Variants in AOPEP observed in about 807,000 individuals in gnomAD.
The protein encoded by AOPEP is aminopeptidase O (putative), also known as aminopeptidase O.
In AOPEP, 77 loss-of-function variants were observed where a neutral mutation model predicts 98.1. The observed-to-expected ratio is 0.78, with a 90% CI of 0.65 to 0.95. The LOEUF (loss-of-function observed/expected upper bound fraction) is 0.95, where lower values mean the gene tolerates loss of function less well. Among genes scored for constraint, AOPEP ranks in the 40% least tolerant of loss-of-function variants. The pLI is 0.00. For missense variants in AOPEP, 1,024 were observed against 1,024.7 expected (o/e 1.00, Z 0.01); for synonymous variants, 346 against 365.3 (o/e 0.95, Z 0.60).
intron 3 of AOPEP, among the ~76,000 whole-genome samples, chr9:94,777,568 C>T (rs1477375611): frequency 3.3e-5 from 5 of 150,224 alleles, no homozygotes; most frequent in East Asian, 1.9e-4. Context: ...CCACATATAC[C>T]GGATGTATTT....
chr9:95,122,003 G>A, the AOPEP span, among the ~76,000 whole-genome samples: 5 of 151,744 alleles, frequency 3.3e-5, no homozygotes, highest in Admixed American at 1.3e-4. Flanking sequence ...GACTATAAGC[G>A]CCCACCACCA....
chr9:94,902,821 C>T (rs757149143), intron 5 of AOPEP, among the ~76,000 whole-genome samples: 4 of 151,316 alleles, frequency 2.6e-5, no homozygotes, highest in Non-Finnish European at 4.4e-5. Flanking sequence ...TTTGGGAGGC[C>T]GAGGTGGGCA....
chr9:95,033,791 A>G (rs2133411637), intron 13 of AOPEP, among the ~76,000 whole-genome samples: 1 of 152,352 alleles, frequency 6.6e-6, no homozygotes, highest in South Asian at 2.1e-4. Flanking sequence ...TTGTAACATT[A>G]TAGAAATAAG....
At position 95,020,918 on chromosome 9, in the gene AOPEP, CAAA is replaced by C. The variant is rs55696602; in HGVS notation, c.2115+15318_2115+15320del. ...TGGGCAACAGAGTGAGACCTTGTCT[CAAA>C]AAAAAAAAAAAAAAAGACATAAGCA... On this transcript the variant is annotated intron_variant, in intron 13 of 16. Transcript: ENST00000375315. 8.2e-5 allele frequency among the ~76,000 whole-genome samples: 6 copies of C among 73,352 alleles called. No individual in the cohort carries two copies. In the South Asian group the frequency reaches 1.8e-3, roughly 22 times the overall value. 48.1% of individuals were successfully genotyped at this position (73,352 alleles called of 152,430 possible). A position where few individuals can be genotyped will look rare whatever the true frequency, so the allele number is the denominator to read the frequency against.
chr9:94,848,249 G>A (rs1165798349), intron 5 of AOPEP, among the ~76,000 whole-genome samples: 2 of 151,932 alleles, frequency 1.3e-5, no homozygotes, highest in African/African-American at 4.8e-5. Flanking sequence ...TCAGGAGGTC[G>A]AGACCATCCT....
At chr9:95,095,806 G>A in the AOPEP span, among the ~76,000 whole-genome samples, 4 of 152,142 alleles carry the variant, frequency 2.6e-5, no homozygotes, top group East Asian at 1.9e-4. Flanking sequence ...CCAAAGGACT[G>A]GAGAGTCTGC....
the AOPEP span, among the ~76,000 whole-genome samples, chr9:95,108,601 G>A: frequency 6.6e-6 from 1 of 152,042 alleles, no homozygotes; most frequent in Non-Finnish European, 1.5e-5. Context: ...CATGTCCTAA[G>A]TTTTTCAGGA....
At chr9:94,784,103 A>G (rs776578209) in intron 3 of AOPEP, among the ~76,000 whole-genome samples, 19 of 152,270 alleles carry the variant, frequency 1.2e-4, no homozygotes, top group Non-Finnish European at 2.2e-4. Context: ...AGTGAAAACA[A>G]TAACTCTTTA....
chr9:94,875,889 T>C (rs2046886455), intron 5 of AOPEP, among the ~76,000 whole-genome samples: 1 of 152,192 alleles, frequency 6.6e-6, no homozygotes, highest in Admixed American at 6.5e-5. Context: ...CTTTCTTACT[T>C]ACCTAGTTGA....
intron 5 of AOPEP, among the ~76,000 whole-genome samples, chr9:94,850,349 A>G (rs1010326509): frequency 4.6e-5 from 7 of 152,350 alleles, no homozygotes; most frequent in Non-Finnish European, 1.0e-4. Flanking sequence ...AACCTGTCTT[A>G]CCCACAGATG....
At chr9:94,776,747 C>G (rs1842192914) in intron 3 of AOPEP, among the ~76,000 whole-genome samples, 2 of 152,194 alleles carry the variant, frequency 1.3e-5, no homozygotes, top group Admixed American at 1.3e-4. Context: ...TCCAGTTTTA[C>G]TTAATAAAAC....
chr9:95,139,257 C>G, the AOPEP span, among the ~76,000 whole-genome samples: 1 of 152,172 alleles, frequency 6.6e-6, no homozygotes, highest in Admixed American at 6.5e-5. Context: ...CAGTTTCACC[C>G]TCTCCGTGTA....
At chr9:95,054,894 A>T (rs564373153) in intron 13 of AOPEP, among the ~76,000 whole-genome samples, 1 of 152,184 alleles carries the variant, frequency 6.6e-6, no homozygotes, top group South Asian at 2.1e-4. Context: ...TTTGAAGAAA[A>T]TTTTTTTCCT....
intron 13 of AOPEP, among the ~76,000 whole-genome samples, chr9:95,033,766 C>T (rs141670557): frequency 4.3e-4 from 66 of 152,222 alleles, no homozygotes; most frequent in African/African-American, 1.3e-3. Flanking sequence ...TACAGTGTTT[C>T]GTATTTACTT....
At chr9:95,028,034 A>G (rs1016432447) in intron 13 of AOPEP, among the ~76,000 whole-genome samples, 14 of 152,112 alleles carry the variant, frequency 9.2e-5, no homozygotes, top group African/African-American at 2.4e-4. Context: ...TTATCTTTCA[A>G]ATTTGTGCTT....
At chr9:95,082,468 T>G (rs1339514195) in intron 15 of AOPEP, 107 bp from the exon 16 acceptor site, 1 of 1,310,750 alleles carries the variant, frequency 7.6e-7, no homozygotes, top group Non-Finnish European at 1.0e-6. Flanking sequence ...CTTTGCAATT[T>G]CTAGACCAGC....
At chr9:94,979,251 C>T in intron 10 of AOPEP, 116 bp from the exon 11 acceptor site, 2 of 663,694 alleles carry the variant, frequency 3.0e-6, no homozygotes, top group Non-Finnish European at 5.4e-6. Context: ...TTCTGTAAAG[C>T]ACGGGCACTT....
At chr9:94,932,263 T>C (rs1456702780) in intron 7 of AOPEP, 1 of 985,022 alleles carries the variant, frequency 1.0e-6, no homozygotes, top group Admixed American at 6.1e-5. Context: ...GTATGTGTCT[T>C]ATTATTTTAA....
chr9:95,095,621 T>G, the AOPEP span, among the ~76,000 whole-genome samples: 1 of 152,230 alleles, frequency 6.6e-6, no homozygotes, highest in African/African-American at 2.4e-5. Flanking sequence ...GGTTTCTTGC[T>G]TTTGCGTTGG....
Sources: allele counts gnomAD v4.1 joint callset (sites outside exome capture counted in the v4.1 genomes callset), GRCh38; gene constraint gnomAD v4.1.1; transcripts MANE v1.5; gene names NCBI Gene and HGNC (gene_info 2026-07-23, HGNC 2026-07-21).